Variants in PLXNC1 observed in about 807,000 individuals in gnomAD.
PLXNC1 encodes plexin C1, also known as plexin-C1.
PLXNC1 carries 75 observed loss-of-function variants against 178.2 expected under a neutral mutation model. That is an observed-to-expected ratio of 0.42 (90% CI 0.35 to 0.51). PLXNC1 has a LOEUF of 0.51. Among genes scored for constraint, PLXNC1 ranks in the 20% least tolerant of loss-of-function variants. The pLI, the probability that PLXNC1 is intolerant of heterozygous loss-of-function variation, is 0.02. For missense variants in PLXNC1, 1,503 were observed against 1,984.4 expected (o/e 0.76, Z 4.61); for synonymous variants, 790 against 779.9 (o/e 1.01, Z -0.22).
Position 94,149,432 on chromosome 12 carries a change from TGTC to T in PLXNC1, c.464_466del (p.Ser155del), listed in dbSNP as rs1319119183. On this transcript the variant is annotated inframe_deletion, in exon 1 of 31. Coordinates refer to ENST00000258526, the MANE Select transcript of PLXNC1 (RefSeq NM_005761.3). ...TCCCTGCGCAACGGCACCGAGGTGG[TGTC>T]GTGCCACCCGCAGGGCTCGACGGCC... 9.6e-6 allele frequency: 14 copies of T among 1,457,610 alleles called. No homozygotes were observed. 90.3% of individuals were successfully genotyped at this position (1,457,610 alleles called of 1,614,324 possible).
chr12:94,194,784 G>A (rs1004368117), intron 4 of PLXNC1, among the ~76,000 whole-genome samples: 1 of 152,124 alleles, frequency 6.6e-6, no homozygotes, highest in Admixed American at 6.6e-5. Flanking sequence ...CTGCCTCAGA[G>A]GTTTGCTGAG....
chr12:94,267,306 CT>C (rs1965298209), intron 21 of PLXNC1, among the ~76,000 whole-genome samples: 3 of 152,110 alleles, frequency 2.0e-5, no homozygotes, highest in Admixed American at 1.3e-4. Flanking sequence ...GTTTTGAAGC[CT>C]TTTTAATGCT....
At chr12:94,192,613 C>G (rs1442180825) in intron 4 of PLXNC1, among the ~76,000 whole-genome samples, 1 of 152,004 alleles carries the variant, frequency 6.6e-6, no homozygotes, top group Non-Finnish European at 1.5e-5. Flanking sequence ...AGGTCTGTTT[C>G]CCATGTTTCT....
intron 6 of PLXNC1, among the ~76,000 whole-genome samples, chr12:94,222,491 C>A (rs1393022250): frequency 6.6e-6 from 1 of 152,196 alleles, no homozygotes; most frequent in Non-Finnish European, 1.5e-5. Flanking sequence ...CTCTGACTTT[C>A]TCAGCCATTC....
chr12:94,274,981 A>G (rs1965827569), intron 21 of PLXNC1, among the ~76,000 whole-genome samples: 1 of 152,228 alleles, frequency 6.6e-6, no homozygotes, highest in Non-Finnish European at 1.5e-5. Context: ...GTCATTATTT[A>G]GTGATCCTGT....
In PLXNC1 at chr12:94,303,913, G is replaced by T. The variant is rs7488943; in HGVS notation, c.4527+17G>T. ...GAATCTAAGGTATCATTAGAAAGCAGAAATAAGCTTATATTTGGTTACTTT... is the reference window on the plus strand; with the variant it reads ...GAATCTAAGGTATCATTAGAAAGCATAAATAAGCTTATATTTGGTTACTTT... On this transcript the variant is annotated intron_variant, in intron 29 of 30. Transcript: ENST00000258526. The T allele has an allele frequency of 2.5e-6, 4 of 1,608,714 alleles. No homozygotes were observed. Among genetic ancestry groups the T allele is most frequent in the Non-Finnish European group, 3.4e-6 (4 of 1,177,594 alleles).
chr12:94,260,574 A>G lies in PLXNC1; in HGVS notation c.3252-68A>G. 2 of 1,200,590 alleles carry G rather than the reference A, an allele frequency of 1.7e-6. No homozygotes were observed. The highest frequency in any genetic ancestry group is 2.1e-5 in the Admixed American group (1 of 47,662). 74.4% of individuals were successfully genotyped at this position (1,200,590 alleles called of 1,614,324 possible). On this transcript the variant is annotated intron_variant, in intron 19 of 30. Transcript: ENST00000258526. This position sits in a 1 kb window ranked among gnomAD's most constrained non-coding sequence, Gnocchi z 4.4. ...CTCCCTGCCCTGCCAGTGAGCTTCC[A>G]TGGAAACTCCCATGGGTGTCCAGCT...
intron 1 of PLXNC1, among the ~76,000 whole-genome samples, chr12:94,156,055 G>A (rs1961156017): frequency 6.6e-6 from 1 of 152,210 alleles, no homozygotes; most frequent in Admixed American, 6.5e-5. Context: ...TTGTGGGACT[G>A]TAGACAAATT....
At chr12:94,235,422 C>T (rs1964213532) in intron 9 of PLXNC1, among the ~76,000 whole-genome samples, 1 of 152,120 alleles carries the variant, frequency 6.6e-6, no homozygotes, top group Admixed American at 6.6e-5. Flanking sequence ...GAAAATTTTG[C>T]TTGAGCAGAC....
At chr12:94,210,877 T>C (rs1431159888) in intron 5 of PLXNC1, among the ~76,000 whole-genome samples, 1 of 152,214 alleles carries the variant, frequency 6.6e-6, no homozygotes, top group Non-Finnish European at 1.5e-5. Context: ...AAATTCTAAT[T>C]TCTCTCATCA....
At chr12:94,254,304 C>G (rs977487844) in intron 15 of PLXNC1, among the ~76,000 whole-genome samples, 6 of 152,200 alleles carry the variant, frequency 3.9e-5, no homozygotes, top group African/African-American at 1.4e-4. Flanking sequence ...TCATGTCACC[C>G]CATTAGCTCT....
chr12:94,246,837 T>C (rs969106034), intron 12 of PLXNC1, among the ~76,000 whole-genome samples: 5 of 151,708 alleles, frequency 3.3e-5, no homozygotes, highest in Admixed American at 1.3e-4. Flanking sequence ...CTTTACATCA[T>C]ATTTTCCCAC....
chr12:94,167,178 A>G (rs1176701374), intron 1 of PLXNC1, among the ~76,000 whole-genome samples: 2 of 152,092 alleles, frequency 1.3e-5, no homozygotes, highest in East Asian at 1.9e-4. Flanking sequence ...GTTTTCTTGG[A>G]TCCAGTCTTT....
intron 20 of PLXNC1, among the ~76,000 whole-genome samples, chr12:94,263,910 A>T (rs1259707872): frequency 6.6e-6 from 1 of 152,078 alleles, no homozygotes; most frequent in Non-Finnish European, 1.5e-5. Context: ...TTGGGGTGGG[A>T]TGCTGAGAGA....
chr12:94,247,922 C>T lies in PLXNC1; in HGVS notation c.2408C>T (p.Ala803Val), dbSNP rs749923591. The change falls in exon 13 of 31, where the codon GCG (alanine) becomes GTG (valine). Residue 803 changes from alanine to valine, a missense_variant. This residue lies in a region of PLXNC1 where 639 missense variants were observed against 979.7 expected (regional missense o/e 0.65). Transcript: ENST00000258526. ...GNINVSEYCV[A>V]TYCGFLAPSL... ...GTCCAGGTCTCTGAATATTGTGTGG[C>T]GACTTACTGCGGGTTTTTAGCCCCC... is the stretch of plus-strand genomic sequence containing the variant. 6.2e-6 allele frequency: 10 copies of T among 1,613,726 alleles called. No homozygotes were observed. The highest frequency in any genetic ancestry group is 2.7e-5 in the African/African-American group (2 of 74,876).
chr12:94,209,116 A>T, intron 4 of PLXNC1, among the ~76,000 whole-genome samples: 1 of 152,364 alleles, frequency 6.6e-6, no homozygotes, highest in South Asian at 2.1e-4. Context: ...CAAAGCACAA[A>T]ATAGTAACTT....
intron 12 of PLXNC1, among the ~76,000 whole-genome samples, chr12:94,247,112 G>A (rs832516): frequency 0.51 from 77,704 of 151,766 alleles, 20,797 homozygotes; most frequent in East Asian, 0.81. Context: ...GGGTCTCACT[G>A]TGTTACCCAG....
chr12:94,280,112 G>T, intron 22 of PLXNC1: 1 of 321,224 alleles, frequency 3.1e-6, no homozygotes, highest in Non-Finnish European at 6.1e-6. Flanking sequence ...ATCTTCCTCT[G>T]CTAATCACAT....
At chr12:94,304,152 C>A in intron 30 of PLXNC1, 101 bp downstream of exon 30, 1 of 754,976 alleles carries the variant, frequency 1.3e-6, no homozygotes, top group Non-Finnish European at 2.2e-6. Flanking sequence ...TCCCAAAAGG[C>A]CAGAAAGGGA....
Sources: gnomAD v4.1 joint callset for allele counts (sites outside exome capture counted in the v4.1 genomes callset) on GRCh38, gnomAD v4.1.1 for gene constraint, gnomAD v4.1.1 regional missense constraint, Gnocchi (gnomAD v3.1) non-coding constraint, MANE v1.5 for transcripts, NCBI Gene and HGNC (gene_info 2026-07-23, HGNC 2026-07-21) for gene names.